ROCK1: variants seen among roughly 807,000 people sequenced by gnomAD.
ROCK1 encodes the protein rho-associated protein kinase 1.
Under a neutral mutation model 196.8 loss-of-function variants are expected in ROCK1, and 36 were observed. The observed-to-expected ratio is 0.18, with a 90% CI of 0.14 to 0.24. The LOEUF (loss-of-function observed/expected upper bound fraction) is 0.24, where lower values mean the gene tolerates loss of function less well. ROCK1 is among the 10% of genes least tolerant of loss of function. The pLI is 1.00. For synonymous variants in ROCK1, 443 were observed against 515.9 expected (o/e 0.86, Z 1.91); for missense variants, 920 against 1,562.0 (o/e 0.59, Z 6.93).
intron 3 of ROCK1, 120 bp from the exon 4 acceptor site, chr18:21,049,349 G>T: frequency 1.3e-6 from 1 of 762,736 alleles, no homozygotes; most frequent in Non-Finnish European, 1.9e-6. Flanking sequence ...TACTGTTTCA[G>T]TTATTTTTAT....
Position 21,045,473 on chromosome 18 carries a change from CAA to C in ROCK1, c.415-8_415-7del. Reference sequence around the variant, plus strand: ...TCTTGGAATGCATAAAAAAGCTATACAAATAGAAAAAACAAACAAAACACATT... The same window carrying C: ...TCTTGGAATGCATAAAAAAGCTATACATAGAAAAAACAAACAAAACACATT... On this transcript the variant is annotated splice_region_variant and splice_polypyrimidine_tract_variant and intron_variant, in intron 4 of 32. Transcript: ENST00000399799. The C allele has an allele frequency of 6.4e-7, 1 of 1,564,116 alleles. No homozygotes were observed. The highest frequency in any genetic ancestry group is 8.6e-7 in the Non-Finnish European group (1 of 1,158,014).
intron 8 of ROCK1, 91 bp downstream of exon 8, chr18:21,042,006 A>G: frequency 8.7e-7 from 1 of 1,153,304 alleles, no homozygotes; most frequent in Non-Finnish European, 1.2e-6. Flanking sequence ...CTAACAATTT[A>G]CATGTAGAAG....
At chr18:21,048,994 T>C in intron 4 of ROCK1, 98 bp downstream of exon 4, 3 of 1,087,552 alleles carry the variant, frequency 2.8e-6, no homozygotes, top group Non-Finnish European at 3.7e-6. Flanking sequence ...TAACTGCCAG[T>C]AAATTCTCTA....
chr18:21,006,642 GATA>G, intron 15 of ROCK1, 45 bp from the exon 16 acceptor site: 1 of 1,590,436 alleles, frequency 6.3e-7, no homozygotes, highest in Non-Finnish European at 8.5e-7. Context: ...ACCAAAGTAC[GATA>G]TAATTTAATT....
At chr18:21,003,346 C>A (rs1022158224) in intron 16 of ROCK1, among the ~76,000 whole-genome samples, 2 of 152,096 alleles carry the variant, frequency 1.3e-5, no homozygotes, top group African/African-American at 4.8e-5. Flanking sequence ...TAATGAAATG[C>A]AATGTCCAAA....
intron 16 of ROCK1, among the ~76,000 whole-genome samples, chr18:20,998,931 A>G (rs1020102469): frequency 6.6e-6 from 1 of 152,142 alleles, no homozygotes; most frequent in Non-Finnish European, 1.5e-5. Context: ...TTAAAGATGA[A>G]CAAATAACAA....
At chr18:21,056,390 G>A (rs2036245257) in intron 2 of ROCK1, among the ~76,000 whole-genome samples, 1 of 152,088 alleles carries the variant, frequency 6.6e-6, no homozygotes, top group Non-Finnish European at 1.5e-5. Flanking sequence ...GCTCAATTTT[G>A]CTCAGGACAA....
chr18:21,023,756 C>T, intron 10 of ROCK1, 76 bp from the exon 11 acceptor site: 1 of 682,436 alleles, frequency 1.5e-6, no homozygotes, highest in Non-Finnish European at 2.5e-6. Context: ...ATAATAAATA[C>T]TACACGCCTA....
chr18:21,030,525 T>C (rs1453319984), intron 9 of ROCK1, among the ~76,000 whole-genome samples: 1 of 152,214 alleles, frequency 6.6e-6, no homozygotes, highest in African/African-American at 2.4e-5. Flanking sequence ...CTGTTTCTGA[T>C]GGACCTACTC....
In ROCK1 at chr18:21,013,486, T is replaced by C. The variant is rs116166322; in HGVS notation, c.1410+1945A>G. On this transcript the variant is annotated intron_variant, in intron 13 of 32. Coordinates refer to ENST00000399799, the MANE Select transcript of ROCK1 (RefSeq NM_005406.3). ...TGCATTGTGGAGGGGAGCTTGTTAT[T>C]TTCAGTGGAAAGTTCTGACTCCCTA... Among the ~76,000 whole-genome samples, 286 of 152,288 alleles carry C rather than the reference T, an allele frequency of 1.9e-3. 1 individual carries two copies. The highest frequency in any genetic ancestry group is 5.3e-3 in the African/African-American group (222 of 41,568).
In ROCK1 at chr18:21,110,757, T is replaced by C; in HGVS notation, c.93+61A>G. 3.0e-6 allele frequency: 4 copies of C among 1,328,928 alleles called. No individual in the cohort carries two copies. The Admixed American group carries it at 5.1e-5, about 17-fold the overall frequency. 82.3% of individuals were successfully genotyped at this position (1,328,928 alleles called of 1,614,324 possible). A position where few individuals can be genotyped will look rare whatever the true frequency, so the allele number is the denominator to read the frequency against. ...AGACTTTTGCAGCGAACCAGACTAATGCAAGAGGAAGGAAAGACATGCAAA... is the reference window on the plus strand; with the variant it reads ...AGACTTTTGCAGCGAACCAGACTAACGCAAGAGGAAGGAAAGACATGCAAA... On this transcript the variant is annotated intron_variant, in intron 1 of 32. Transcript: ENST00000399799.
intron 28 of ROCK1, 86 bp downstream of exon 28, chr18:20,960,049 TA>T (rs903624132): frequency 1.0e-4 from 112 of 1,070,406 alleles, no homozygotes; most frequent in Non-Finnish European, 1.3e-4. Flanking sequence ...TAAATGCTAG[TA>T]AAAAAAAGTA....
At chr18:20,962,448 C>A (rs2035336099) in intron 27 of ROCK1, among the ~76,000 whole-genome samples, 2 of 152,146 alleles carry the variant, frequency 1.3e-5, no homozygotes, top group South Asian at 4.1e-4. Context: ...GACATTTACA[C>A]AAAATTTGTA....
intron 29 of ROCK1, among the ~76,000 whole-genome samples, chr18:20,959,306 G>C (rs1308448649): frequency 7.1e-6 from 1 of 141,316 alleles, no homozygotes; most frequent in African/African-American, 2.7e-5. Context: ...CTGCCTCCCA[G>C]GTTCAAGTGA....
At chr18:21,074,001 T>TA (rs944629432) in intron 1 of ROCK1, among the ~76,000 whole-genome samples, 2 of 151,366 alleles carry the variant, frequency 1.3e-5, no homozygotes, top group African/African-American at 4.8e-5. Flanking sequence ...AAAATAAAAG[T>TA]AAAAAAAATA....
chr18:21,065,989 T>C (rs1232757752), intron 2 of ROCK1, among the ~76,000 whole-genome samples: 2 of 152,168 alleles, frequency 1.3e-5, no homozygotes, highest in Non-Finnish European at 2.9e-5. Context: ...TAAAGAAAAA[T>C]ATTTTATCCC....
intron 2 of ROCK1, among the ~76,000 whole-genome samples, chr18:21,063,314 A>T (rs2036307578): frequency 6.6e-6 from 1 of 152,200 alleles, no homozygotes; most frequent in Admixed American, 6.5e-5. Flanking sequence ...ACCTGTGATA[A>T]GTATACAAGA....
intron 2 of ROCK1, among the ~76,000 whole-genome samples, chr18:21,053,085 T>A (rs973947887): frequency 3.9e-5 from 6 of 152,194 alleles, no homozygotes; most frequent in Non-Finnish European, 7.3e-5. Context: ...TATTTTTTAA[T>A]TGACTATTGA....
At chr18:21,083,842 T>TA (rs1389636408) in intron 1 of ROCK1, among the ~76,000 whole-genome samples, 3 of 152,132 alleles carry the variant, frequency 2.0e-5, no homozygotes, top group African/African-American at 7.2e-5. Flanking sequence ...TTGGGGAAAT[T>TA]AAAAAAGTAT....
Sources: gnomAD v4.1 joint callset for allele counts (sites outside exome capture counted in the v4.1 genomes callset) on GRCh38, gnomAD v4.1.1 for gene constraint, MANE v1.5 for transcripts, NCBI Gene and HGNC (gene_info 2026-07-23, HGNC 2026-07-21) for gene names.